NUP188: variants seen among roughly 807,000 people sequenced by gnomAD.
NUP188 encodes nucleoporin 188, also known as nucleoporin NUP188.
In NUP188, 97 loss-of-function variants were observed where a neutral mutation model predicts 223.0. The ratio of observed to expected loss-of-function variants is 0.43; its 90% CI spans 0.37 to 0.51. The LOEUF is 0.51. Ranked by LOEUF, NUP188 falls within the 20% of genes least tolerant of loss-of-function variation. The pLI is 0.00. For synonymous variants in NUP188, 869 were observed against 828.0 expected (o/e 1.05, Z -0.85); for missense variants, 1,947 against 2,175.6 (o/e 0.89, Z 2.09).
In NUP188 at chr9:128,981,325, A is replaced by G; in HGVS notation, c.1451A>G (p.Asp484Gly). ...GAACTTTATAAACACAAGCCTCATGATGTGATCTCCCATGAAGATGGAACT... is the reference window on the plus strand; with the variant it reads ...GAACTTTATAAACACAAGCCTCATGGTGTGATCTCCCATGAAGATGGAACT... The part of the protein sequence containing the change: ...YNELYKHKPH[D>G]VISHEDGTLW... The change falls in exon 15 of 44, where the codon GAT (aspartate) becomes GGT (glycine). Residue 484 changes from aspartate to glycine, a missense_variant. Physicochemically the swap from Asp to Gly is moderately conservative, Grantham distance 94 (BLOSUM62 -1). Around this residue, in one of 3 missense-constraint regions of NUP188, gnomAD observed 817 missense variants for 865.8 expected, o/e 0.94. Transcript: ENST00000372577. The G allele has an allele frequency of 6.2e-7, 1 of 1,613,724 alleles. No individual in the cohort carries two copies. The highest frequency in any genetic ancestry group is 1.1e-5 in the South Asian group (1 of 91,068).
At chr9:128,998,719 G>C (rs1842576477) in intron 32 of NUP188, 96 bp downstream of exon 32, 1 of 1,009,794 alleles carries the variant, frequency 9.9e-7, no homozygotes, top group Admixed American at 1.9e-5. Context: ...GTGGAAGCTG[G>C]GCTGGTTTTC....
intron 12 of NUP188, among the ~76,000 whole-genome samples, chr9:128,976,762 C>G (rs1486320208): frequency 1.3e-5 from 2 of 151,818 alleles, no homozygotes; most frequent in Non-Finnish European, 2.9e-5. Context: ...TTGACCTGAC[C>G]TTACACCTGG....
At chr9:128,973,374 T>G (rs1319066818) in intron 12 of NUP188, 125 bp downstream of exon 12, 1 of 636,042 alleles carries the variant, frequency 1.6e-6, no homozygotes, top group Non-Finnish European at 2.7e-6. Flanking sequence ...GGCACTCATT[T>G]TTTTATTTAC....
chr9:128,955,973 G>T (rs570688962), intron 3 of NUP188, among the ~76,000 whole-genome samples: 1 of 77,980 alleles, frequency 1.3e-5, no homozygotes, highest in African/African-American at 8.4e-5. Context: ...TGGGATTTTT[G>T]GTAAGTTATT....
chr9:128,986,565 T>C lies in NUP188; in HGVS notation c.2084T>C (p.Leu695Pro). ...RLITTLVKGQ[L>P]GSTQSQGLVP... is the part of the protein sequence containing the mutation. ...CTGCATGGTTTCTTGTAGGGGCAAC[T>C]TGGTAGTACCCAGAGCCAAGGACTT... Residue 695 changes from leucine to proline, a missense_variant, in exon 21 of 44, where the codon CTT becomes CCT. This residue lies in a region of NUP188 where 817 missense variants were observed against 865.8 expected (regional missense o/e 0.94). Transcript: ENST00000372577. 1 of 1,613,464 alleles carries C rather than the reference T, an allele frequency of 6.2e-7. No homozygotes were observed. Among genetic ancestry groups the C allele is most frequent in the Non-Finnish European group, 8.5e-7 (1 of 1,179,768 alleles).
chr9:128,984,919 G>A lies in NUP188; in HGVS notation c.1981G>A (p.Gly661Arg). 1.2e-6 allele frequency: 2 copies of A among 1,612,668 alleles called. No individual in the cohort carries two copies. Among genetic ancestry groups the A allele is most frequent in the African/African-American group, 2.7e-5 (2 of 74,948 alleles). ...TTCCAGTGCGGAAGGGATGAATGCT[G>A]GAGGGTACGGAAACCTCTTGATGAA... is the stretch of plus-strand genomic sequence containing the variant. Reference protein sequence around the residue: ...QMISAEGMNAGGYGNLLMNSE... With the variant: ...QMISAEGMNARGYGNLLMNSE... Residue 661 changes from glycine to arginine, a missense_variant, in exon 20 of 44, where the codon GGA becomes AGA. Physicochemically the swap from Gly to Arg is moderately radical, Grantham distance 125 (BLOSUM62 -2). This residue lies in a region of NUP188 where 817 missense variants were observed against 865.8 expected (regional missense o/e 0.94). Transcript: ENST00000372577.
intron 2 of NUP188, among the ~76,000 whole-genome samples, chr9:128,951,060 C>G (rs1258331534): frequency 6.6e-6 from 1 of 152,090 alleles, no homozygotes; most frequent in Non-Finnish European, 1.5e-5. Context: ...GCCTGTAATC[C>G]CAGCACTTTG....
Position 129,006,034 on chromosome 9 carries a change from CCTTG to C in NUP188, c.4870-12_4870-9del, listed in dbSNP as rs1842790341. The C allele has an allele frequency of 6.2e-7, 1 of 1,613,964 alleles. No homozygotes were observed. The highest frequency in any genetic ancestry group is 8.5e-7 in the Non-Finnish European group (1 of 1,179,902). On this transcript the variant is annotated splice_polypyrimidine_tract_variant and intron_variant, in intron 41 of 43. Coordinates refer to ENST00000372577, the MANE Select transcript of NUP188 (RefSeq NM_015354.3). ...TGTTCCTGTTGTCTTAGTTTTTTAC[CCTTG>C]CTTCTCTTCAGCTGGACAAGAAAAA...
intron 24 of NUP188, among the ~76,000 whole-genome samples, chr9:128,988,891 A>G (rs558198959): frequency 6.6e-6 from 1 of 151,328 alleles, no homozygotes; most frequent in South Asian, 2.1e-4. Context: ...ACGCCCGGCT[A>G]ATTTTTGTTT....
At position 128,985,911 on chromosome 9, in the gene NUP188, C is replaced by T. The variant is rs757688866; in HGVS notation, c.2077-647C>T. 5.3e-5 allele frequency among the ~76,000 whole-genome samples: 8 copies of T among 151,874 alleles called. No individual in the cohort carries two copies. In the South Asian group the frequency reaches 8.3e-4, roughly 16 times the overall value. ...AAAATTAGCTGGGCGTGGTGGTGGA[C>T]GCCTGTAATCCCAGCTACTCAGTGG... On this transcript the variant is annotated intron_variant, in intron 20 of 43. Transcript: ENST00000372577.
At position 128,999,769 on chromosome 9, in the gene NUP188, C is replaced by T. The variant is rs779457775; in HGVS notation, c.3807C>T (p.Asp1269=). 12 of 1,614,236 alleles carry T rather than the reference C, an allele frequency of 7.4e-6. No homozygotes were observed. The highest frequency in any genetic ancestry group is 1.0e-5 in the Non-Finnish European group (12 of 1,180,054). Residue 1269 remains aspartate (D), a synonymous_variant, in exon 34 of 44, where the codon GAC becomes GAT. Transcript: ENST00000372577. ...TEDKDSMETD[D]CSRSRHRDQR... is the part of the protein sequence containing the mutation. Reference sequence around the variant, plus strand: ...ACAAGGACAGCATGGAGACTGACGACTGTTCTCGGTCCCGGCACAGGGACC... The same window carrying T: ...ACAAGGACAGCATGGAGACTGACGATTGTTCTCGGTCCCGGCACAGGGACC...
intron 10 of NUP188, among the ~76,000 whole-genome samples, 163 bp from the exon 11 acceptor site, chr9:128,970,595 G>A (rs535423473): frequency 2.0e-5 from 3 of 152,078 alleles, no homozygotes; most frequent in Non-Finnish European, 2.9e-5. Flanking sequence ...GTAATTGAGG[G>A]GTTTATTAGT....
At chr9:128,955,658 T>C (rs1174343165) in intron 3 of NUP188, among the ~76,000 whole-genome samples, 1 of 152,196 alleles carries the variant, frequency 6.6e-6, no homozygotes, top group Non-Finnish European at 1.5e-5. Context: ...TTTTCTATTA[T>C]GTCATCTCCT....
chr9:128,952,976 C>T (rs979984947), intron 3 of NUP188, 130 bp downstream of exon 3: 16 of 694,064 alleles, frequency 2.3e-5, no homozygotes, highest in Middle Eastern at 2.7e-4. Context: ...TTTAGTTTAC[C>T]AGTGGAAAAC....
At position 128,984,984 on chromosome 9, in the gene NUP188, C is replaced by G. The variant is rs1376991089; in HGVS notation, c.2046C>G (p.Ala682=). The G allele has an allele frequency of 1.2e-6, 2 of 1,613,566 alleles. No homozygotes were observed. The highest frequency in any genetic ancestry group is 3.3e-5 in the Admixed American group (2 of 59,948). Residue 682 remains alanine (A), a synonymous_variant, in exon 20 of 44, where the codon GCC becomes GCG. Transcript: ENST00000372577. The part of the protein sequence containing the change: ...QPQGEYGVTI[A]FLRLITTLVK... The stretch of plus-strand genomic sequence containing the variant: ...AGGGCGAGTATGGGGTTACTATTGC[C>G]TTTCTGCGCTTGATCACCACCCTTG...
intron 8 of NUP188, among the ~76,000 whole-genome samples, chr9:128,966,190 T>G (rs1842026912): frequency 6.9e-6 from 1 of 144,592 alleles, no homozygotes; most frequent in Non-Finnish European, 1.5e-5. Context: ...GCCTTGTTCT[T>G]TAGTTTTTAT....
chr9:128,991,907 CTT>C (rs1204961303), intron 25 of NUP188, among the ~76,000 whole-genome samples: 20 of 117,350 alleles, frequency 1.7e-4, no homozygotes, highest in Non-Finnish European at 3.0e-4. Context: ...GTTTTTCTTT[CTT>C]TTTTTTTTTT....
At chr9:128,959,945 A>G (rs1841923397) in intron 8 of NUP188, among the ~76,000 whole-genome samples, 1 of 151,458 alleles carries the variant, frequency 6.6e-6, no homozygotes, top group Non-Finnish European at 1.5e-5. Context: ...CAATCCCATT[A>G]GTTTACTTTC....
chr9:128,966,286 GTT>G (rs1491258496), intron 8 of NUP188, among the ~76,000 whole-genome samples: 4 of 147,164 alleles, frequency 2.7e-5, no homozygotes, highest in Admixed American at 6.9e-5. Flanking sequence ...GTGTGTGTGT[GTT>G]TGTGTGTGTG....
Sources: allele counts gnomAD v4.1 joint callset (sites outside exome capture counted in the v4.1 genomes callset), GRCh38; gene constraint gnomAD v4.1.1; regional missense constraint gnomAD v4.1.1; transcripts MANE v1.5; gene names NCBI Gene and HGNC (gene_info 2026-07-23, HGNC 2026-07-21).